Variants in SMAD2 observed in about 807,000 individuals in gnomAD.
The protein encoded by SMAD2 is SMAD family member 2, also known as MAD homolog 2.
Under a neutral mutation model 64.4 loss-of-function variants are expected in SMAD2, and 8 were observed. The observed-to-expected ratio is 0.12, with a 90% CI of 0.07 to 0.22. The LOEUF (loss-of-function observed/expected upper bound fraction) is 0.22. SMAD2 is among the 10% of genes least tolerant of loss of function. The pLI is 1.00. For missense variants in SMAD2, 289 were observed against 561.2 expected (o/e 0.51, Z 4.90); for synonymous variants, 203 against 195.8 (o/e 1.04, Z -0.31).
intron 7 of SMAD2, 114 bp downstream of exon 7, chr18:47,851,160 T>C: frequency 1.3e-6 from 1 of 748,566 alleles, no homozygotes; most frequent in Non-Finnish European, 2.4e-6. Context: ...ATTATTTGGC[T>C]ATTCATTAGG....
intron 1 of SMAD2, among the ~76,000 whole-genome samples, chr18:47,912,716 C>G (rs1462185316): frequency 6.6e-6 from 1 of 152,094 alleles, no homozygotes; most frequent in Non-Finnish European, 1.5e-5. Flanking sequence ...CATGAGTAAT[C>G]TCTCTGTTCC....
Position 47,897,790 on chromosome 18 carries a change from A to G in SMAD2, c.-53-981T>C, listed in dbSNP as rs541479936. 9.9e-5 allele frequency among the ~76,000 whole-genome samples: 15 copies of G among 152,270 alleles called. No homozygotes were observed. In the South Asian group the frequency reaches 1.5e-3, roughly 15 times the overall value. The stretch of plus-strand genomic sequence containing the variant: ...TTCCTGATCCTTTAATTGGGGTTTA[A>G]AAATTGTTTCGCTCCAGAAGCTCTT... On this transcript the variant is annotated intron_variant, in intron 1 of 10. Coordinates refer to ENST00000262160, the MANE Select transcript of SMAD2 (RefSeq NM_005901.6).
intron 10 of SMAD2, among the ~76,000 whole-genome samples, chr18:47,842,791 A>G (rs989465808): frequency 6.6e-6 from 1 of 152,204 alleles, no homozygotes; most frequent in African/African-American, 2.4e-5. Flanking sequence ...CATCCCTCTT[A>G]GCAACACCAT....
rs566664566 is a variant in SMAD2 at position 47,929,607 on chromosome 18, G to T, written c.-54+754C>A. On this transcript the variant is annotated intron_variant, in intron 1 of 10. Transcript: ENST00000262160. ...TGGAAATTTCTTTTTTAAAGGTATG[G>T]TTGACAACACACTGGTGGTATTTTG... 3.9e-5 allele frequency among the ~76,000 whole-genome samples: 6 copies of T among 152,296 alleles called. No individual in the cohort carries two copies. The South Asian group carries it at 1.0e-3, about 26-fold the overall frequency.
chr18:47,852,644 T>C (rs112284904), intron 6 of SMAD2, among the ~76,000 whole-genome samples: 11 of 152,216 alleles, frequency 7.2e-5, no homozygotes, highest in African/African-American at 2.7e-4. Context: ...AGTAACTTTC[T>C]AGGGTTTACT....
chr18:47,844,164 A>C (rs1469134388), intron 10 of SMAD2, among the ~76,000 whole-genome samples: 1 of 152,208 alleles, frequency 6.6e-6, no homozygotes, highest in Non-Finnish European at 1.5e-5. Context: ...TCAGAAAAAA[A>C]TAGTGACAAG....
At chr18:47,872,281 A>C (rs767243065) in intron 2 of SMAD2, among the ~76,000 whole-genome samples, 3 of 152,340 alleles carry the variant, frequency 2.0e-5, no homozygotes, top group Non-Finnish European at 4.4e-5. Context: ...GCCTGTTTAC[A>C]TAATAAAAAA....
chr18:47,809,950 A>G lies in SMAD2; in HGVS notation c.*31877T>C, dbSNP rs2144219321. 1 of 152,314 alleles carries G rather than the reference A, an allele frequency of 6.6e-6. No homozygotes were observed. The highest frequency in any genetic ancestry group is 2.1e-4 in the South Asian group (1 of 4,826). The allele number at this position is 152,314 out of a possible 1,614,324, so 9.4% of individuals were successfully genotyped here. A position where few individuals can be genotyped will look rare whatever the true frequency, so the allele number is the denominator to read the frequency against. On this transcript the variant is annotated 3_prime_UTR_variant, in exon 11 of 11. Transcript: ENST00000262160. The stretch of plus-strand genomic sequence containing the variant: ...ATGCAGTATCATTTAAATGCACAAT[A>G]GACTTCTAGCCCATTTGCCAAAAGC...
Position 47,850,849 on chromosome 18 carries a change from T to TATTATGTATATTATATATTA in SMAD2, c.784+424_784+425insTAATATATAATATACATAAT, listed in dbSNP as rs376442711. Among the ~76,000 whole-genome samples, 9 of 12,784 alleles carry TATTATGTATATTATATATTA rather than the reference T, an allele frequency of 7.0e-4. 2 individuals are homozygous for TATTATGTATATTATATATTA. Among genetic ancestry groups the TATTATGTATATTATATATTA allele is most frequent in the African/African-American group, 1.4e-3 (9 of 6,330 alleles). 8.4% of individuals were successfully genotyped at this position (12,784 alleles called of 152,430 possible). A position where few individuals can be genotyped will look rare whatever the true frequency, so the allele number is the denominator to read the frequency against. ...TTATATATATTATGTATATTATATA[T>TATTATGTATATTATATATTA]TATATATATTATATATATTATGTAT... On this transcript the variant is annotated intron_variant, in intron 7 of 10. Coordinates refer to ENST00000262160, the MANE Select transcript of SMAD2 (RefSeq NM_005901.6).
In SMAD2 at chr18:47,830,576, C is replaced by CAAAAAAAAAAA. The variant is rs5824708; in HGVS notation, c.*11240_*11250dup. The CAAAAAAAAAAA allele has an allele frequency of 8.0e-6, 1 of 125,452 alleles. No homozygotes were observed. Among genetic ancestry groups the CAAAAAAAAAAA allele is most frequent in the African/African-American group, 3.2e-5 (1 of 31,106 alleles). 7.8% of individuals were successfully genotyped at this position (125,452 alleles called of 1,614,324 possible). ...GGGCAACAGAGCAAGACTCTGTCTC[C>CAAAAAAAAAAA]AAAAAAAAAAAAAAAAAATTCGTTT... On this transcript the variant is annotated 3_prime_UTR_variant, in exon 11 of 11. Coordinates refer to ENST00000262160, the MANE Select transcript of SMAD2 (RefSeq NM_005901.6).
intron 7 of SMAD2, 128 bp from the exon 8 acceptor site, chr18:47,848,815 T>G: frequency 1.5e-6 from 1 of 688,508 alleles, no homozygotes. Context: ...GCTCAGGAAG[T>G]AGACATAGTA....
intron 5 of SMAD2, among the ~76,000 whole-genome samples, chr18:47,865,334 T>C (rs760522804): frequency 3.9e-5 from 6 of 152,202 alleles, no homozygotes; most frequent in Non-Finnish European, 8.8e-5. Context: ...ACATCCACTT[T>C]TAATAAAATC....
intron 1 of SMAD2, among the ~76,000 whole-genome samples, chr18:47,905,239 T>C (rs1195962426): frequency 2.6e-5 from 4 of 152,152 alleles, no homozygotes; most frequent in Admixed American, 2.6e-4. Context: ...ATTTTCTACA[T>C]ATCTAAAGAA....
chr18:47,892,418 T>C (rs1410691326), intron 2 of SMAD2, among the ~76,000 whole-genome samples: 2 of 152,192 alleles, frequency 1.3e-5, no homozygotes, highest in African/African-American at 4.8e-5. Flanking sequence ...CAGGCTAGTC[T>C]GAAACTCCTG....
intron 1 of SMAD2, among the ~76,000 whole-genome samples, chr18:47,910,187 A>T (rs1211261059): frequency 7.0e-6 from 1 of 143,104 alleles, no homozygotes; most frequent in East Asian, 2.1e-4. Context: ...AAAAAAAAAA[A>T]GTGGGGAGTG....
intron 2 of SMAD2, among the ~76,000 whole-genome samples, chr18:47,892,616 G>C (rs958845809): frequency 6.6e-6 from 1 of 151,428 alleles, no homozygotes; most frequent in Non-Finnish European, 1.5e-5. Flanking sequence ...CGCTATTCTT[G>C]TTTAATTGTG....
rs145901048 is a variant in SMAD2 at position 47,834,992 on chromosome 18, G to A, written c.*6835C>T. 1.8e-3 allele frequency: 392 copies of A among 222,282 alleles called. 2 individuals carry two copies. Among genetic ancestry groups the A allele is most frequent in the African/African-American group, 8.3e-3 (370 of 44,832 alleles). The allele number at this position is 222,282 out of a possible 1,614,324, so 13.8% of individuals were successfully genotyped here. A position where few individuals can be genotyped will look rare whatever the true frequency, so the allele number is the denominator to read the frequency against. ...AGGAGGTCTGGCCTTGGGAAAAGAT[G>A]GCGAAAGGAATATTCTCAGATATGA... is the stretch of plus-strand genomic sequence containing the variant. On this transcript the variant is annotated 3_prime_UTR_variant, in exon 11 of 11. Transcript: ENST00000262160.
intron 2 of SMAD2, among the ~76,000 whole-genome samples, chr18:47,894,313 C>T (rs943536046): frequency 2.6e-5 from 4 of 152,206 alleles, no homozygotes; most frequent in Admixed American, 2.0e-4. Context: ...GGAGTTTTCT[C>T]GCTGCAACCC....
chr18:47,912,909 G>A (rs1436478994), intron 1 of SMAD2, among the ~76,000 whole-genome samples: 1 of 143,714 alleles, frequency 7.0e-6, no homozygotes, highest in Non-Finnish European at 1.5e-5. Context: ...AGGAATGAGA[G>A]TAAACAGTTT....
Sources: allele counts gnomAD v4.1 joint callset (sites outside exome capture counted in the v4.1 genomes callset), GRCh38; gene constraint gnomAD v4.1.1; transcripts MANE v1.5; gene names NCBI Gene and HGNC (gene_info 2026-07-23, HGNC 2026-07-21).